TNFRSF11B: variants seen among roughly 807,000 people sequenced by gnomAD.
TNFRSF11B encodes the protein TNF receptor superfamily member 11b, also known as tumor necrosis factor receptor superfamily member 11B.
Under a neutral mutation model 43.4 loss-of-function variants are expected in TNFRSF11B, and 16 were observed. That is an observed-to-expected ratio of 0.37 (90% CI 0.25 to 0.56). The LOEUF (loss-of-function observed/expected upper bound fraction) is 0.56, where lower values mean the gene tolerates loss of function less well. TNFRSF11B is among the 20% of genes least tolerant of loss of function. TNFRSF11B has a pLI of 0.80. For synonymous variants in TNFRSF11B, 185 were observed against 181.8 expected (o/e 1.02, Z -0.14); for missense variants, 444 against 490.1 (o/e 0.91, Z 0.89).
intron 1 of TNFRSF11B, among the ~76,000 whole-genome samples, chr8:118,944,169 AC>A (rs1383132062): frequency 1.3e-5 from 2 of 152,160 alleles, no homozygotes; most frequent in Non-Finnish European, 2.9e-5. Flanking sequence ...AACAACTTCA[AC>A]CATCTAACTG....
chr8:118,928,989 C>G, intron 2 of TNFRSF11B, 60 bp from the exon 3 acceptor site: 1 of 1,498,074 alleles, frequency 6.7e-7, no homozygotes, highest in Non-Finnish European at 9.3e-7. Flanking sequence ...AGCAGATGCC[C>G]TCTTAACACA....
rs117355657 is a variant in TNFRSF11B, at chr8:118,926,377, G to C, written c.817+117C>G. The C allele has an allele frequency of 4.2e-5, 42 of 995,560 alleles. No individual in the cohort carries two copies. In the Middle Eastern group the frequency reaches 8.8e-4, roughly 21 times the overall value. 61.7% of individuals were successfully genotyped at this position (995,560 alleles called of 1,614,324 possible). On this transcript the variant is annotated intron_variant, in intron 4 of 4. Transcript: ENST00000297350. ...GTGGAAACTTTTTCAGTCCAACAAT[G>C]ATTCCAACAGGGAAACAAGATCCAC...
In TNFRSF11B at chr8:118,928,717, C is replaced by T. The variant is rs369666778; in HGVS notation, c.592+21G>A. 278 of 1,611,294 alleles carry T rather than the reference C, an allele frequency of 1.7e-4. 2 individuals carry two copies. The highest frequency in any genetic ancestry group is 6.6e-4 in the Middle Eastern group (4 of 6,074). ...ATGATACTACAAAATCGTACAAAGA[C>T]GTATTTTGGAATGTAATTACCTATT... On this transcript the variant is annotated intron_variant, in intron 3 of 4. Transcript: ENST00000297350.
At chr8:118,930,931 C>CTTT (rs1812319673) in intron 2 of TNFRSF11B, among the ~76,000 whole-genome samples, 1 of 152,212 alleles carries the variant, frequency 6.6e-6, no homozygotes, top group Admixed American at 6.5e-5. Context: ...CCCTCTATAA[C>CTTT]TGATGGTACT....
intron 1 of TNFRSF11B, among the ~76,000 whole-genome samples, chr8:118,940,596 T>C (rs1812473079): frequency 1.3e-5 from 2 of 152,154 alleles, no homozygotes; most frequent in South Asian, 4.1e-4. Context: ...GGTCAGACTA[T>C]CATGAGACAT....
chr8:118,932,534 A>T (rs1812343623), intron 2 of TNFRSF11B, among the ~76,000 whole-genome samples: 1 of 152,022 alleles, frequency 6.6e-6, no homozygotes, highest in African/African-American at 2.4e-5. Flanking sequence ...GAGCATAATT[A>T]CTCTCTTGGT....
intron 1 of TNFRSF11B, among the ~76,000 whole-genome samples, chr8:118,950,614 A>G (rs1451134747): frequency 6.6e-6 from 1 of 152,200 alleles, no homozygotes; most frequent in African/African-American, 2.4e-5. Flanking sequence ...CACTTGCACA[A>G]TTCTCTATGT....
chr8:118,932,898 T>C (rs762822313), intron 2 of TNFRSF11B, 33 bp downstream of exon 2: 3 of 1,613,382 alleles, frequency 1.9e-6, no homozygotes, highest in Non-Finnish European at 1.7e-6. Flanking sequence ...CTTTGCATGA[T>C]CCTAATTAAT....
chr8:118,925,209 G>C lies in TNFRSF11B; in HGVS notation c.818-447C>G, dbSNP rs114906037. ...CCTTTAAAGAATACACATAGCACCAGAGGACTACCTCCATGAGGAGGATAT... is the reference window on the plus strand; with the variant it reads ...CCTTTAAAGAATACACATAGCACCACAGGACTACCTCCATGAGGAGGATAT... On this transcript the variant is annotated intron_variant, in intron 4 of 4. Coordinates refer to ENST00000297350, the MANE Select transcript of TNFRSF11B (RefSeq NM_002546.4). Among the ~76,000 whole-genome samples the C allele has an allele frequency of 2.9e-3, 442 of 152,306 alleles. 2 individuals carry two copies. The highest frequency in any genetic ancestry group is 0.01 in the African/African-American group (429 of 41,550).
At chr8:118,931,262 C>A (rs1015151036) in intron 2 of TNFRSF11B, among the ~76,000 whole-genome samples, 1 of 152,146 alleles carries the variant, frequency 6.6e-6, no homozygotes, top group Non-Finnish European at 1.5e-5. Context: ...CCAAGAGGAA[C>A]TGCTGTGTGG....
At chr8:118,938,644 C>A (rs1159517604) in intron 1 of TNFRSF11B, among the ~76,000 whole-genome samples, 3 of 152,126 alleles carry the variant, frequency 2.0e-5, no homozygotes, top group Non-Finnish European at 4.4e-5. Flanking sequence ...TAGAAGATCA[C>A]CAGTGTTAGG....
At chr8:118,946,310 T>A (rs781421932) in intron 1 of TNFRSF11B, among the ~76,000 whole-genome samples, 2 of 152,070 alleles carry the variant, frequency 1.3e-5, no homozygotes, top group Non-Finnish European at 2.9e-5. Context: ...TGAGAGAGAG[T>A]GGGTACCACT....
At chr8:118,950,934 ATAAATG>A (rs1235972640) in intron 1 of TNFRSF11B, among the ~76,000 whole-genome samples, 1 of 152,226 alleles carries the variant, frequency 6.6e-6, no homozygotes, top group Non-Finnish European at 1.5e-5. Context: ...CTAGCCTTGC[ATAAATG>A]TCTGATTCAT....
intron 2 of TNFRSF11B, among the ~76,000 whole-genome samples, chr8:118,931,263 T>C (rs3134050): frequency 0.93 from 141,711 of 152,216 alleles, 66,011 homozygotes; most frequent in South Asian, 0.97. Flanking sequence ...CAAGAGGAAC[T>C]GCTGTGTGGG....
chr8:118,948,685 C>A (rs777728100), intron 1 of TNFRSF11B, among the ~76,000 whole-genome samples: 1 of 151,886 alleles, frequency 6.6e-6, no homozygotes, highest in Non-Finnish European at 1.5e-5. Context: ...AACGTTGCTA[C>A]GGACAGGGAT....
chr8:118,934,234 T>C (rs1470910817), intron 1 of TNFRSF11B, among the ~76,000 whole-genome samples: 1 of 152,220 alleles, frequency 6.6e-6, no homozygotes, highest in Non-Finnish European at 1.5e-5. Context: ...GTTGAATGCC[T>C]ACTAGGTGTC....
At chr8:118,934,937 T>G (rs1025936344) in intron 1 of TNFRSF11B, among the ~76,000 whole-genome samples, 1 of 152,184 alleles carries the variant, frequency 6.6e-6, no homozygotes, top group African/African-American at 2.4e-5. Context: ...TTCATTCACT[T>G]CTTATGGGAA....
chr8:118,948,906 C>T (rs1160600847), intron 1 of TNFRSF11B, among the ~76,000 whole-genome samples: 1 of 152,048 alleles, frequency 6.6e-6, no homozygotes, highest in Non-Finnish European at 1.5e-5. Flanking sequence ...GACATTTTTC[C>T]TGAGAAAAAA....
chr8:118,933,317 A>G lies in TNFRSF11B; in HGVS notation c.31-17T>C, dbSNP rs779730868. ...GTCCAGAAACTAGAAGGAGAAAGGA[A>G]CACAGTGGCATCATCTTAGCATGAA... On this transcript the variant is annotated splice_polypyrimidine_tract_variant and intron_variant, in intron 1 of 4. Transcript: ENST00000297350. The G allele has an allele frequency of 9.3e-6, 15 of 1,612,288 alleles. No individual in the cohort carries two copies. The highest frequency in any genetic ancestry group is 1.6e-4 in the Middle Eastern group (1 of 6,082).
Sources: gnomAD v4.1 joint callset for allele counts (sites outside exome capture counted in the v4.1 genomes callset) on GRCh38, gnomAD v4.1.1 for gene constraint, MANE v1.5 for transcripts, NCBI Gene and HGNC (gene_info 2026-07-23, HGNC 2026-07-21) for gene names.